Variants in CAPN10 observed in about 807,000 individuals in gnomAD.
CAPN10 encodes calpain-10.
CAPN10 carries 71 observed loss-of-function variants against 78.4 expected under a neutral mutation model. The ratio of observed to expected loss-of-function variants is 0.91; its 90% confidence interval spans 0.75 to 1.10. CAPN10 has a LOEUF of 1.10. CAPN10 is among the 50% of genes least tolerant of loss of function. The probability of loss-of-function intolerance (pLI) is 0.00; values close to 1 mark genes in which losing one functional copy is unlikely to be tolerated. For missense variants in CAPN10, 849 were observed against 924.6 expected, an observed-to-expected ratio of 0.92 and a Z score of 1.06; for synonymous variants, 437 against 407.2, an observed-to-expected ratio of 1.07 and a Z score of -0.88.
chr2:240,591,289 T>C, intron 3 of CAPN10: 1 of 394,306 alleles, frequency 2.5e-6, no homozygotes, highest in Non-Finnish European at 4.6e-6. Context: ...CTCCTTATTT[T>C]ATCGGCCCCA....
intron 7 of CAPN10, chr2:240,596,110 T>G (rs760757711): frequency 2.6e-5 from 40 of 1,534,286 alleles, no homozygotes; most frequent in Non-Finnish European, 3.2e-5. Context: ...GGCTCGTGTC[T>G]GGGACAGATA....
At position 240,596,506 on chromosome 2, in the gene CAPN10, G is replaced by A. The variant is rs1310166568; in HGVS notation, c.1466G>A (p.Gly489Glu). 1 of 1,608,822 alleles carries A rather than the reference G, an allele frequency of 6.2e-7. No homozygotes were observed. The highest frequency in any genetic ancestry group is 8.5e-7 in the Non-Finnish European group (1 of 1,176,430). ...GEFLLRVFSTGRVSLSAIRAV... is the reference protein window; with the variant it reads ...GEFLLRVFSTERVSLSAIRAV... ...TTCCTGCTCCGAGTCTTCTCTACCG[G>A]GCGAGTCTCCCTTAGGTGAGAGGAA... Residue 489 changes from glycine to glutamate, a missense_variant, in exon 8 of 12, where the codon GGG becomes GAG. Transcript: ENST00000391984.
At chr2:240,592,279 T>TTGTTCTCAAGGGTGG (rs2093107465) in intron 4 of CAPN10, 129 bp downstream of exon 4, 1 of 835,904 alleles carries the variant, frequency 1.2e-6, no homozygotes, top group Non-Finnish European at 1.9e-6. Context: ...AGAAGTAAGC[T>TTGTTCTCAAGGGTGG]TGTTCTCAAG....
At chr2:240,595,737 A>T (rs2093132519) in intron 7 of CAPN10, among the ~76,000 whole-genome samples, 2 of 152,224 alleles carry the variant, frequency 1.3e-5, no homozygotes, top group Non-Finnish European at 2.9e-5. Context: ...CTTCCCCTGC[A>T]AGACGGGGTC....
chr2:240,593,643 A>T (rs986469740), intron 4 of CAPN10, among the ~76,000 whole-genome samples: 2 of 152,228 alleles, frequency 1.3e-5, no homozygotes, highest in African/African-American at 4.8e-5. Flanking sequence ...GGCCTAGAGA[A>T]GGGGATGACT....
chr2:240,594,752 C>A (rs749759316), intron 6 of CAPN10, 43 bp downstream of exon 6: 7 of 1,582,218 alleles, frequency 4.4e-6, no homozygotes, highest in Admixed American at 3.4e-5. Flanking sequence ...CTCTGCCTGC[C>A]GAAGTGAGGA....
At chr2:240,596,175 TGA>T (rs752150053) in intron 7 of CAPN10, 142 bp from the exon 8 acceptor site, 1 of 1,485,080 alleles carries the variant, frequency 6.7e-7, no homozygotes, top group Non-Finnish European at 9.0e-7. Context: ...AGCTGGTCCC[TGA>T]GAGAGGGTGG....
At chr2:240,598,275 G>C in intron 10 of CAPN10, 77 bp from the exon 11 acceptor site, 1 of 1,535,758 alleles carries the variant, frequency 6.5e-7, no homozygotes, top group East Asian at 2.2e-5. Context: ...AGAGTCTAGT[G>C]GGAGGTGGGC....
chr2:240,597,630 C>T (rs56960757), intron 9 of CAPN10, among the ~76,000 whole-genome samples: 19,159 of 152,102 alleles, frequency 0.13, 1,450 homozygotes, highest in South Asian at 0.19. Context: ...GCCCTTGGGG[C>T]GGGCTGGGCA....
chr2:240,598,877 G>T lies in CAPN10; in HGVS notation c.*197G>T, dbSNP rs1467295272. ...GAGACGCAGCCCTGGGGGCCAGCTG[G>T]TGCTGCAAGGAAGGGTGGGAAGCTT... On this transcript the variant is annotated 3_prime_UTR_variant, in exon 12 of 12. Transcript: ENST00000391984. 8.2e-6 allele frequency: 5 copies of T among 607,158 alleles called. No homozygotes were observed. The highest frequency in any genetic ancestry group is 5.6e-5 in the African/African-American group (3 of 53,812). The allele number at this position is 607,158 out of a possible 1,614,324, so 37.6% of individuals were successfully genotyped here. A position where few individuals can be genotyped will look rare whatever the true frequency, so the allele number is the denominator to read the frequency against.
chr2:240,596,175 T>C, intron 7 of CAPN10, 144 bp from the exon 8 acceptor site: 1 of 1,485,080 alleles, frequency 6.7e-7, no homozygotes. Context: ...AGCTGGTCCC[T>C]GAGAGAGGGT....
rs890524062 is a variant in CAPN10, at chr2:240,598,857, G to A, written c.*177G>A. 1.3e-4 allele frequency: 82 copies of A among 633,242 alleles called. No homozygotes were observed. Among genetic ancestry groups the A allele is most frequent in the South Asian group, 1.2e-4 (6 of 51,710 alleles). The allele number at this position is 633,242 out of a possible 1,614,324, so 39.2% of individuals were successfully genotyped here. A position where few individuals can be genotyped will look rare whatever the true frequency, so the allele number is the denominator to read the frequency against. On this transcript the variant is annotated 3_prime_UTR_variant, in exon 12 of 12. Transcript: ENST00000391984. ...ACGGGAAGCCTCCGTCAGGAGAGACGCAGCCCTGGGGGCCAGCTGGTGCTG... is the reference window on the plus strand; with the variant it reads ...ACGGGAAGCCTCCGTCAGGAGAGACACAGCCCTGGGGGCCAGCTGGTGCTG...
Position 240,598,055 on chromosome 2 carries a change from C to T in CAPN10, c.1911C>T (p.Ala637=). ...PSTYLPDTEG[A]FTVTIATRID... is the part of the protein sequence containing the mutation. ...CCTACCTGCCGGACACAGAGGGGGC[C>T]TTCACAGTGACCATCGCAACCAGGA... Residue 637 remains alanine (A), a synonymous_variant, in exon 10 of 12, where the codon GCC becomes GCT. Transcript: ENST00000391984. 1 of 1,611,628 alleles carries T rather than the reference C, an allele frequency of 6.2e-7. No individual in the cohort carries two copies. Among genetic ancestry groups the T allele is most frequent in the East Asian group, 2.2e-5 (1 of 44,824 alleles).
Position 240,586,759 on chromosome 2 carries a change from TG to T in CAPN10, c.-151del. The T allele has an allele frequency of 1.5e-6, 1 of 652,100 alleles. No individual in the cohort carries two copies. Among genetic ancestry groups the T allele is most frequent in the Non-Finnish European group, 2.2e-6 (1 of 453,056 alleles). The allele number at this position is 652,100 out of a possible 1,614,324, so 40.4% of individuals were successfully genotyped here. A position where few individuals can be genotyped will look rare whatever the true frequency, so the allele number is the denominator to read the frequency against. ...AGACTAGCGGGCCGGCGTACTGGCCTGGTCCAGCACCTGCGGGGCCCTCGGG... is the reference window on the plus strand; with the variant it reads ...AGACTAGCGGGCCGGCGTACTGGCCTGTCCAGCACCTGCGGGGCCCTCGGG... On this transcript the variant is annotated 5_prime_UTR_variant, in exon 1 of 12. Transcript: ENST00000391984.
Position 240,596,952 on chromosome 2 carries a change from T to C in CAPN10, c.1743+10T>C. 1 of 1,613,272 alleles carries C rather than the reference T, an allele frequency of 6.2e-7. No individual in the cohort carries two copies. Among genetic ancestry groups the C allele is most frequent in the Non-Finnish European group, 8.5e-7 (1 of 1,179,880 alleles). On this transcript the variant is annotated intron_variant, in intron 9 of 11. Coordinates refer to ENST00000391984, the MANE Select transcript of CAPN10 (RefSeq NM_023083.4). ...CTTCCATATCTTCCAGGCAAGCTCC[T>C]TGCCCCAGGGAGGGAGGGGGAGCAG...
Position 240,594,707 on chromosome 2 carries a change from C to A in CAPN10, c.995C>A (p.Thr332Lys). ...TEAGHLQSLY[T>K]ERLLCHTRAL... ...GCCGGCCACCTGCAGAGCCTCTACACAGGTAGTGCCCCGAGGGGCTGTGCT... is the reference window on the plus strand; with the variant it reads ...GCCGGCCACCTGCAGAGCCTCTACAAAGGTAGTGCCCCGAGGGGCTGTGCT... Residue 332 changes from threonine to lysine, a missense_variant and splice_region_variant, in exon 6 of 12, where the codon ACA becomes AAA. Thr to Lys is a moderately conservative substitution (Grantham distance 78, BLOSUM62 -1). Transcript: ENST00000391984. 1 of 1,612,376 alleles carries A rather than the reference C, an allele frequency of 6.2e-7. No individual in the cohort carries two copies. Among genetic ancestry groups the A allele is most frequent in the Non-Finnish European group, 8.5e-7 (1 of 1,179,354 alleles).
Position 240,586,950 on chromosome 2 carries a change from G to T in CAPN10, c.39G>T (p.Leu13=), listed in dbSNP as rs1294217665. ...GGGGCGCGACGCCGGCGAGGGAGCT[G>T]TTCCGGGACGCCGCCTTCCCCGCCG... ...AGRGATPARE[L]FRDAAFPAAD... Residue 13 remains leucine (L), a synonymous_variant, in exon 1 of 12, where the codon CTG becomes CTT. Coordinates refer to ENST00000391984, the MANE Select transcript of CAPN10 (RefSeq NM_023083.4). The T allele has an allele frequency of 3.4e-6, 5 of 1,478,388 alleles. No individual in the cohort carries two copies. Among genetic ancestry groups the T allele is most frequent in the Non-Finnish European group, 3.6e-6 (4 of 1,115,340 alleles). 91.6% of individuals were successfully genotyped at this position (1,478,388 alleles called of 1,614,324 possible).
rs760805653 is a variant in CAPN10, at chr2:240,597,924, C to G, written c.1780C>G (p.Leu594Val). The change falls in exon 10 of 12, where the codon CTG (leucine) becomes GTG (valine). Residue 594 changes from leucine (L) to valine (V), a missense_variant. By Grantham distance (32) the Leu-to-Val change is conservative. Transcript: ENST00000391984. ...TGGAAGGAGCCAGGACGCACCCCCA[C>G]TGCTGCTGCAGGAGCCGCTGCTGAG... ...EGGRSQDAPPLLLQEPLLSCV... is the reference protein window; with the variant it reads ...EGGRSQDAPPVLLQEPLLSCV... 1 of 1,611,500 alleles carries G rather than the reference C, an allele frequency of 6.2e-7. No homozygotes were observed. Among genetic ancestry groups the G allele is most frequent in the Non-Finnish European group, 8.5e-7 (1 of 1,179,442 alleles).
Position 240,590,979 on chromosome 2 carries a change from C to A in CAPN10, c.438C>A (p.Phe146Leu). 1 of 1,614,208 alleles carries A rather than the reference C, an allele frequency of 6.2e-7. No individual in the cohort carries two copies. Among genetic ancestry groups the A allele is most frequent in the South Asian group, 1.1e-5 (1 of 91,082 alleles). Residue 146 changes from phenylalanine to leucine, a missense_variant, in exon 3 of 12, where the codon TTC (phenylalanine) becomes TTA (leucine). By Grantham distance (22) the Phe-to-Leu change is conservative. Coordinates refer to ENST00000391984, the MANE Select transcript of CAPN10 (RefSeq NM_023083.4). ...CCCGCTGCCAGAGGGAGGATGTGTTCTGGCTCCCCTTACTGGAAAAGGTCT... is the reference window on the plus strand; with the variant it reads ...CCCGCTGCCAGAGGGAGGATGTGTTATGGCTCCCCTTACTGGAAAAGGTCT... ...CFSRCQREDV[F>L]WLPLLEKVYA... is the part of the protein sequence containing the mutation.
Sources: gnomAD v4.1 joint callset for allele counts (sites outside exome capture counted in the v4.1 genomes callset) on GRCh38, gnomAD v4.1.1 for gene constraint, MANE v1.5 for transcripts, NCBI Gene and HGNC (gene_info 2026-07-23, HGNC 2026-07-21) for gene names.